Variants in SOCS6 observed in about 807,000 individuals in gnomAD.
SOCS6 encodes the protein STAT induced STAT inhibitor-4.
A neutral mutation model predicts 27.7 loss-of-function variants in SOCS6; 5 were observed. The ratio of observed to expected loss-of-function variants is 0.18; its 90% CI spans 0.09 to 0.38. The LOEUF is 0.38. Ranked by LOEUF, SOCS6 falls within the 10% of genes least tolerant of loss-of-function variation. The pLI is 1.00. For missense variants in SOCS6, 595 were observed against 688.1 expected (o/e 0.86, Z 1.51); for synonymous variants, 271 against 260.0 (o/e 1.04, Z -0.41).
At position 70,325,748 on chromosome 18, in the gene SOCS6, A is replaced by G. The variant is rs1316687072; in HGVS notation, c.1080A>G (p.Ser360=). ...SAPGVARVYD[S]VQSSGPMVVT... is the part of the protein sequence containing the mutation. Reference sequence around the variant, plus strand: ...CTGGGGTTGCAAGAGTTTATGACTCAGTGCAAAGTAGTGGTCCCATGGTTG... The same window carrying G: ...CTGGGGTTGCAAGAGTTTATGACTCGGTGCAAAGTAGTGGTCCCATGGTTG... The change falls in exon 2 of 2, where the codon TCA becomes TCG. Residue 360 remains serine, a synonymous_variant. Transcript: ENST00000397942. The surrounding 1 kb of genome is among the most constrained non-coding windows in gnomAD (Gnocchi z 6.3). 14 of 1,614,108 alleles carry G rather than the reference A, an allele frequency of 8.7e-6. No homozygotes were observed. Among genetic ancestry groups the G allele is most frequent in the Admixed American group, 1.7e-5 (1 of 60,012 alleles).
At chr18:70,289,497 G>C (rs918283561) in intron 1 of SOCS6, among the ~76,000 whole-genome samples, 30 of 147,350 alleles carry the variant, frequency 2.0e-4, no homozygotes, top group Admixed American at 1.8e-3. Flanking sequence ...CCCGCAGCTC[G>C]CCGGGGAGAG....
chr18:70,307,651 C>G (rs2062374862), intron 1 of SOCS6, among the ~76,000 whole-genome samples: 1 of 152,028 alleles, frequency 6.6e-6, no homozygotes, highest in Non-Finnish European at 1.5e-5. Context: ...TATAGTATTC[C>G]CATATAGTCC....
chr18:70,317,277 G>A (rs980310469), intron 1 of SOCS6, among the ~76,000 whole-genome samples: 3 of 151,954 alleles, frequency 2.0e-5, no homozygotes, highest in Non-Finnish European at 2.9e-5. Flanking sequence ...AACTTAGCTC[G>A]CACTTATAAG....
At chr18:70,303,648 C>T (rs1379292222) in intron 1 of SOCS6, among the ~76,000 whole-genome samples, 1 of 152,054 alleles carries the variant, frequency 6.6e-6, no homozygotes, top group African/African-American at 2.4e-5. Context: ...CAAAAATTAG[C>T]TGGGAGTGGT....
chr18:70,297,142 C>T (rs992237601), intron 1 of SOCS6, among the ~76,000 whole-genome samples: 14 of 151,874 alleles, frequency 9.2e-5, no homozygotes, highest in Admixed American at 9.2e-4. Flanking sequence ...AAATAGCATC[C>T]GCCTCTCAGT....
In SOCS6 at chr18:70,301,412, G is replaced by GAGAA. The variant is rs1328501917; in HGVS notation, c.-127+12329_-127+12332dup. Among the ~76,000 whole-genome samples the GAGAA allele has an allele frequency of 3.9e-5, 6 of 152,010 alleles. No homozygotes were observed. The South Asian group carries it at 1.0e-3, about 26-fold the overall frequency. ...TCATGACATACTGGATGAGGAATGA[G>GAGAA]AGAAAGAAAGGAGCCAAGGGTGATT... On this transcript the variant is annotated intron_variant, in intron 1 of 1. Transcript: ENST00000397942.
intron 1 of SOCS6, among the ~76,000 whole-genome samples, chr18:70,306,825 A>G (rs1234277518): frequency 6.6e-6 from 1 of 152,186 alleles, no homozygotes; most frequent in South Asian, 2.1e-4. Context: ...TATTAAGATG[A>G]TCATGTGTGT....
At chr18:70,317,558 C>T (rs867117269) in intron 1 of SOCS6, among the ~76,000 whole-genome samples, 22 of 119,038 alleles carry the variant, frequency 1.8e-4, no homozygotes, top group South Asian at 7.7e-4. Flanking sequence ...TATACATACA[C>T]ACACACACAC....
At chr18:70,304,750 C>CT (rs1282771021) in intron 1 of SOCS6, among the ~76,000 whole-genome samples, 1 of 152,126 alleles carries the variant, frequency 6.6e-6, no homozygotes, top group African/African-American at 2.4e-5. Flanking sequence ...GCTTATCTTT[C>CT]TTTTAATGGT....
chr18:70,291,539 T>C (rs2062299490), intron 1 of SOCS6, among the ~76,000 whole-genome samples: 1 of 152,212 alleles, frequency 6.6e-6, no homozygotes, highest in African/African-American at 2.4e-5. Flanking sequence ...AGGTGTGATC[T>C]TATTTAAAAG....
chr18:70,325,814 A>C lies in SOCS6; in HGVS notation c.1146A>C (p.Gln382His). ...AGGAGCTGAAAAAACTTGCAAAGCA[A>C]GGATGGTACTGGGGACCAATCACAC... ...LTEELKKLAK[Q>H]GWYWGPITRW... Residue 382 changes from glutamine to histidine, a missense_variant, in exon 2 of 2, where the codon CAA becomes CAC. Physicochemically the swap from Gln to His is conservative, Grantham distance 24 (BLOSUM62 0). This residue lies in a region of SOCS6 where 128 missense variants were observed against 207.0 expected (regional missense o/e 0.62). Transcript: ENST00000397942. This position sits in a 1 kb window ranked among gnomAD's most constrained non-coding sequence, Gnocchi z 6.3. 6.2e-7 allele frequency: 1 copy of C among 1,614,250 alleles called. No homozygotes were observed. The highest frequency in any genetic ancestry group is 2.2e-5 in the East Asian group (1 of 44,888).
chr18:70,292,849 G>A (rs528477126), intron 1 of SOCS6, among the ~76,000 whole-genome samples: 6 of 152,220 alleles, frequency 3.9e-5, no homozygotes, highest in Non-Finnish European at 4.4e-5. Context: ...CAGTGCCTTC[G>A]GTGGCTCCTG....
intron 1 of SOCS6, among the ~76,000 whole-genome samples, chr18:70,310,166 C>G (rs2062384717): frequency 6.6e-6 from 1 of 152,250 alleles, no homozygotes; most frequent in African/African-American, 2.4e-5. Context: ...GTGATGAATT[C>G]AAAGTACTGA....
chr18:70,314,446 CCTTT>C (rs1405329384), intron 1 of SOCS6, among the ~76,000 whole-genome samples: 1 of 151,920 alleles, frequency 6.6e-6, no homozygotes, highest in Non-Finnish European at 1.5e-5. Flanking sequence ...TTTACTCTAC[CCTTT>C]CTTTCTTTAG....
rs1391935717 is a variant in SOCS6, at chr18:70,329,819, G to A, written c.*3543G>A. 1 of 166,948 alleles carries A rather than the reference G, an allele frequency of 6.0e-6. No homozygotes were observed. Among genetic ancestry groups the A allele is most frequent in the Non-Finnish European group, 1.5e-5 (1 of 68,092 alleles). The allele number at this position is 166,948 out of a possible 1,614,324, so 10.3% of individuals were successfully genotyped here. On this transcript the variant is annotated 3_prime_UTR_variant, in exon 2 of 2. Transcript: ENST00000397942. ...TCTTTTTATTAATCAGTCATAACAT[G>A]GCGAAGTGTGTAGTTGCTGTTTCTG... is the stretch of plus-strand genomic sequence containing the variant.
chr18:70,311,900 G>A (rs549160639), intron 1 of SOCS6, among the ~76,000 whole-genome samples: 3 of 152,186 alleles, frequency 2.0e-5, no homozygotes, highest in Non-Finnish European at 2.9e-5. Flanking sequence ...GAATTATGCA[G>A]TAAATGTTTC....
chr18:70,311,026 T>G (rs1375523268), intron 1 of SOCS6, among the ~76,000 whole-genome samples: 1 of 152,106 alleles, frequency 6.6e-6, no homozygotes, highest in Non-Finnish European at 1.5e-5. Flanking sequence ...AACCTCCAAG[T>G]GAGTGGCGGT....
intron 1 of SOCS6, among the ~76,000 whole-genome samples, chr18:70,296,979 A>T (rs2062326636): frequency 1.8e-5 from 1 of 54,568 alleles, no homozygotes; most frequent in African/African-American, 5.3e-5. Context: ...TTATTTTCTT[A>T]GCTTTTTTCT....
intron 1 of SOCS6, among the ~76,000 whole-genome samples, chr18:70,304,602 T>C (rs2062361444): frequency 6.6e-6 from 1 of 152,194 alleles, no homozygotes; most frequent in South Asian, 2.1e-4. Flanking sequence ...TGGTCAAAGG[T>C]TTGTTCACAT....
Sources: allele counts gnomAD v4.1 joint callset (sites outside exome capture counted in the v4.1 genomes callset), GRCh38; gene constraint gnomAD v4.1.1; regional missense constraint gnomAD v4.1.1; non-coding constraint Gnocchi (gnomAD v3.1); transcripts MANE v1.5; gene names NCBI Gene and HGNC (gene_info 2026-07-23, HGNC 2026-07-21).